The following WDR27 variants were observed in gnomAD, a reference collection of about 807,000 sequenced individuals.
The protein encoded by WDR27 is WD repeat domain 27, also known as WD repeat-containing protein 27.
Under a neutral mutation model 114.4 loss-of-function variants are expected in WDR27, and 100 were observed. The ratio of observed to expected loss-of-function variants is 0.87; its 90% CI spans 0.74 to 1.03. The LOEUF (loss-of-function observed/expected upper bound fraction) is 1.03. Among genes scored for constraint, WDR27 ranks in the 50% least tolerant of loss-of-function variants. The pLI is 0.00. For synonymous variants in WDR27, 449 were observed against 423.1 expected, an observed-to-expected ratio of 1.06 and a Z score of -0.75; for missense variants, 1,129 against 1,092.9, an observed-to-expected ratio of 1.03 and a Z score of -0.47.
intron 25 of WDR27, among the ~76,000 whole-genome samples, chr6:169,493,206 C>G (rs2115443605): frequency 6.6e-6 from 1 of 151,850 alleles, no homozygotes; most frequent in South Asian, 2.1e-4. Flanking sequence ...TAAACATTAA[C>G]CAATAAAAAG....
chr6:169,535,351 C>T (rs998070473), intron 25 of WDR27, among the ~76,000 whole-genome samples: 3 of 152,068 alleles, frequency 2.0e-5, no homozygotes. Context: ...GCCGATTTTC[C>T]CTTTCCACAG....
At chr6:169,528,675 G>A (rs1340083238) in intron 25 of WDR27, among the ~76,000 whole-genome samples, 1 of 152,156 alleles carries the variant, frequency 6.6e-6, no homozygotes, top group Non-Finnish European at 1.5e-5. Flanking sequence ...TACAGGCATG[G>A]GCCAACAGGC....
At position 169,639,260 on chromosome 6, in the gene WDR27, G is replaced by A. The variant is rs1191495746; in HGVS notation, c.1748-600C>T. 3.3e-5 allele frequency among the ~76,000 whole-genome samples: 5 copies of A among 152,246 alleles called. No individual in the cohort carries two copies. The South Asian group carries it at 8.3e-4, about 25-fold the overall frequency. ...GGTGCTGGGTACTGTGTGGTGCTGG[G>A]GTTTGGGGTGTGAGTGAACGCCTCG... is the stretch of plus-strand genomic sequence containing the variant. On this transcript the variant is annotated intron_variant, in intron 17 of 25. Coordinates refer to ENST00000448612, the MANE Select transcript of WDR27 (RefSeq NM_182552.5).
chr6:169,476,920 C>G (rs1488545883), intron 25 of WDR27, among the ~76,000 whole-genome samples: 1 of 152,120 alleles, frequency 6.6e-6, no homozygotes, highest in African/African-American at 2.4e-5. Context: ...TCTTGTTTGT[C>G]TTTGTTATAC....
rs146983396 is a variant in WDR27 at position 169,593,304 on chromosome 6, C to T, written c.2424+8915G>A. The stretch of plus-strand genomic sequence containing the variant: ...TAGGAAACGTTCTCTATTTCTTCTA[C>T]GAAAAGTGGCCTGTTAAATTTGTTT... On this transcript the variant is annotated intron_variant, in intron 23 of 25. Coordinates refer to ENST00000448612, the MANE Select transcript of WDR27 (RefSeq NM_182552.5). 4.8e-3 allele frequency among the ~76,000 whole-genome samples: 726 copies of T among 152,244 alleles called. 9 individuals are homozygous for T. The highest frequency in any genetic ancestry group is 0.016 in the African/African-American group (657 of 41,548).
chr6:169,558,538 G>A (rs1799231322), intron 25 of WDR27: 1 of 152,114 alleles, frequency 6.6e-6, no homozygotes, highest in African/African-American at 2.4e-5. Context: ...GGATTGGGCA[G>A]TCATCGGGAT....
At chr6:169,652,682 T>C (rs1035577760) in intron 13 of WDR27, among the ~76,000 whole-genome samples, 3 of 152,196 alleles carry the variant, frequency 2.0e-5, no homozygotes, top group Non-Finnish European at 2.9e-5. Context: ...ATGAAACATA[T>C]CCATTAATTT....
chr6:169,700,880 A>C (rs1269321339), intron 1 of WDR27, among the ~76,000 whole-genome samples: 1 of 152,250 alleles, frequency 6.6e-6, no homozygotes, highest in East Asian at 1.9e-4. Context: ...ATGTCACAGG[A>C]TATCCCCAGG....
intron 25 of WDR27, among the ~76,000 whole-genome samples, chr6:169,509,610 A>ACTCT (rs1792495632): frequency 6.6e-6 from 1 of 151,600 alleles, no homozygotes; most frequent in African/African-American, 2.4e-5. Flanking sequence ...CCTTCCTTAC[A>ACTCT]CCTTATACAA....
At chr6:169,430,162 C>T in the WDR27 span, among the ~76,000 whole-genome samples, 2 of 152,184 alleles carry the variant, frequency 1.3e-5, no homozygotes, top group Non-Finnish European at 2.9e-5. Context: ...ACGGCCCAAA[C>T]TCCATCATGC....
intron 25 of WDR27, among the ~76,000 whole-genome samples, chr6:169,509,680 G>C (rs1430781862): frequency 1.3e-5 from 2 of 151,802 alleles, no homozygotes; most frequent in African/African-American, 4.8e-5. Context: ...AAAAACCCTA[G>C]AAGAAAACCT....
intron 13 of WDR27, among the ~76,000 whole-genome samples, chr6:169,652,679 A>C (rs1822927038): frequency 6.6e-6 from 1 of 152,246 alleles, no homozygotes; most frequent in African/African-American, 2.4e-5. Context: ...TAAATGAAAC[A>C]TATCCATTAA....
At chr6:169,463,677 T>C (rs913917644) in intron 25 of WDR27, among the ~76,000 whole-genome samples, 1 of 152,186 alleles carries the variant, frequency 6.6e-6, no homozygotes, top group Non-Finnish European at 1.5e-5. Flanking sequence ...TTAGAATTAA[T>C]AAAATCAGCA....
chr6:169,661,093 G>A (rs918706831), intron 9 of WDR27, among the ~76,000 whole-genome samples: 38 of 152,348 alleles, frequency 2.5e-4, no homozygotes, highest in African/African-American at 8.9e-4. Context: ...TCTTGCCAGT[G>A]AGAACCACAT....
At chr6:169,612,727 G>A (rs546693375) in intron 22 of WDR27, among the ~76,000 whole-genome samples, 31 of 149,730 alleles carry the variant, frequency 2.1e-4, no homozygotes, top group Non-Finnish European at 4.1e-4. Context: ...TTTATAAGTA[G>A]AAGGAATGCA....
chr6:169,664,891 CCGGGGCGCGGGCAGCG>C, intron 7 of WDR27: 1 of 984,834 alleles, frequency 1.0e-6, no homozygotes, highest in African/African-American at 1.8e-5. Context: ...GGGCGCCTCT[CCGGGGCGCGGGCAGCG>C]TGCGGGCACG....
intron 25 of WDR27, among the ~76,000 whole-genome samples, chr6:169,532,473 T>A (rs1795713823): frequency 6.6e-6 from 1 of 152,192 alleles, no homozygotes; most frequent in African/African-American, 2.4e-5. Context: ...AGAAAATTTT[T>A]TTTTATCAAA....
At chr6:169,473,311 G>A (rs906954707) in intron 25 of WDR27, among the ~76,000 whole-genome samples, 12 of 152,208 alleles carry the variant, frequency 7.9e-5, no homozygotes, top group Non-Finnish European at 1.5e-4. Flanking sequence ...AGACTGAAGA[G>A]TGACAAAAGG....
chr6:169,477,054 C>A (rs975931622), intron 25 of WDR27, among the ~76,000 whole-genome samples: 1 of 152,082 alleles, frequency 6.6e-6, no homozygotes, highest in African/African-American at 2.4e-5. Flanking sequence ...ATTTTAAATC[C>A]TAAATAGTAA....
Sources: gnomAD v4.1 joint callset for allele counts (sites outside exome capture counted in the v4.1 genomes callset) on GRCh38, gnomAD v4.1.1 for gene constraint, MANE v1.5 for transcripts, NCBI Gene and HGNC (gene_info 2026-07-23, HGNC 2026-07-21) for gene names.